THADA: variants seen among roughly 807,000 people sequenced by gnomAD.
THADA encodes the protein tRNA (32-2'-O)-methyltransferase regulator THADA.
THADA carries 213 observed loss-of-function variants against 219.8 expected under a neutral mutation model. The observed-to-expected ratio is 0.97, with a 90% CI of 0.87 to 1.09. The LOEUF is 1.09. Ranked by LOEUF, THADA falls within the 50% of genes least tolerant of loss-of-function variation. THADA has a pLI of 0.00. For missense variants in THADA, 2,956 were observed against 2,311.3 expected, an observed-to-expected ratio of 1.28 and a Z score of -5.72; for synonymous variants, 1,018 against 828.9, an observed-to-expected ratio of 1.23 and a Z score of -3.92.
chr2:43,508,601 T>C (rs1169216115), intron 23 of THADA, 47 bp downstream of exon 23: 32 of 1,591,512 alleles, frequency 2.0e-5, no homozygotes, highest in Non-Finnish European at 2.6e-5. Flanking sequence ...TACACTATCA[T>C]CAAAAGACAA....
At chr2:43,452,063 C>T (rs2104898379) in intron 26 of THADA, among the ~76,000 whole-genome samples, 1 of 152,248 alleles carries the variant, frequency 6.6e-6, no homozygotes, top group South Asian at 2.1e-4. Context: ...GCTGAGATAG[C>T]ACCACTGCAC....
chr2:43,290,419 G>T (rs182068914), intron 34 of THADA, among the ~76,000 whole-genome samples: 1 of 152,030 alleles, frequency 6.6e-6, no homozygotes, highest in Non-Finnish European at 1.5e-5. Context: ...TTGAGTGACA[G>T]ATCTAAGGAA....
chr2:43,457,717 T>TAGA (rs1199080722), intron 26 of THADA, among the ~76,000 whole-genome samples: 8 of 152,142 alleles, frequency 5.3e-5, no homozygotes, highest in African/African-American at 1.9e-4. Context: ...CGCCCACAAA[T>TAGA]ATTTTCTAAC....
At chr2:43,279,081 C>G (rs1255605855) in intron 36 of THADA, among the ~76,000 whole-genome samples, 1 of 152,214 alleles carries the variant, frequency 6.6e-6, no homozygotes, top group African/African-American at 2.4e-5. Flanking sequence ...CTGCCCCCAT[C>G]TCTTTCATCC....
intron 20 of THADA, among the ~76,000 whole-genome samples, chr2:43,547,557 G>C (rs1288609467): frequency 6.6e-6 from 1 of 152,174 alleles, no homozygotes; most frequent in African/African-American, 2.4e-5. Context: ...TGGAGGCTTT[G>C]TTCATTTCTT....
chr2:43,320,370 C>A, intron 31 of THADA, 76 bp downstream of exon 31: 1 of 1,059,536 alleles, frequency 9.4e-7, no homozygotes, highest in Non-Finnish European at 1.4e-6. Context: ...CAGTGTGTGG[C>A]AGAGCCACTC....
chr2:43,553,979 T>C (rs1387261954), intron 17 of THADA, among the ~76,000 whole-genome samples: 1 of 152,204 alleles, frequency 6.6e-6, no homozygotes, highest in Non-Finnish European at 1.5e-5. Flanking sequence ...GTCCTTTTAT[T>C]AGTGAGTTGT....
At position 43,293,113 on chromosome 2, in the gene THADA, G is replaced by A; in HGVS notation, c.4539C>T (p.Pro1513=). Residue 1513 remains proline (P), a synonymous_variant, in exon 32 of 38, where the codon CCC becomes CCT. Transcript: ENST00000405975. ...FPWAFKVPGL[P]QYLQSLTRLA... ...GTCTGGTGAGGCTCTGGAGGTACTG[G>A]GGCAGGCCTGGCACCTTGAAGGCCC... 1 of 1,613,992 alleles carries A rather than the reference G, an allele frequency of 6.2e-7. No homozygotes were observed. The highest frequency in any genetic ancestry group is 8.5e-7 in the Non-Finnish European group (1 of 1,179,906).
intron 4 of THADA, among the ~76,000 whole-genome samples, chr2:43,589,410 TA>T (rs1332209020): frequency 2.0e-5 from 3 of 152,220 alleles, no homozygotes; most frequent in African/African-American, 7.2e-5. Flanking sequence ...ATGAGGTATC[TA>T]AAGTAATCAA....
Position 43,571,856 on chromosome 2 carries a change from T to A in THADA, c.1915A>T (p.Ile639Leu). The change falls in exon 13 of 38, where the codon ATA (isoleucine) becomes TTA (leucine). Residue 639 changes from isoleucine (I) to leucine (L), a missense_variant. Ile to Leu is a conservative substitution (Grantham distance 5). Coordinates refer to ENST00000405975, the MANE Select transcript of THADA (RefSeq NM_022065.5). ...TCACAAAGCAAGCCTAATGTATCTA[T>A]CCTTACCTAAAAAACATCAAGCAAT... ...GLIHQHCQVR[I>L]DTLGLLCESN... The A allele has an allele frequency of 6.2e-7, 1 of 1,612,014 alleles. No homozygotes were observed. The highest frequency in any genetic ancestry group is 1.1e-5 in the South Asian group (1 of 90,866).
At chr2:43,236,846 G>A (rs950225816) in intron 36 of THADA, among the ~76,000 whole-genome samples, 4 of 151,034 alleles carry the variant, frequency 2.6e-5, no homozygotes, top group African/African-American at 9.8e-5. Flanking sequence ...TGGATCATGA[G>A]GTCAGGATAT....
At chr2:43,523,195 T>C (rs536121951) in intron 22 of THADA, among the ~76,000 whole-genome samples, 7 of 152,036 alleles carry the variant, frequency 4.6e-5, no homozygotes, top group African/African-American at 7.2e-5. Flanking sequence ...CGAAACCCCA[T>C]CTCTACAAAA....
At chr2:43,501,179 G>A (rs779179497) in intron 24 of THADA, among the ~76,000 whole-genome samples, 14 of 151,208 alleles carry the variant, frequency 9.3e-5, no homozygotes, top group Non-Finnish European at 2.1e-4. Flanking sequence ...GGTGGTGCAC[G>A]CCTGTAATCC....
chr2:43,438,908 T>TAA (rs908181191), intron 26 of THADA, among the ~76,000 whole-genome samples: 30 of 152,228 alleles, frequency 2.0e-4, no homozygotes, highest in Non-Finnish European at 3.5e-4. Flanking sequence ...AAAAGTTAAA[T>TAA]GAATGTGGTC....
intron 29 of THADA, among the ~76,000 whole-genome samples, chr2:43,381,736 G>T (rs535549443): frequency 6.6e-6 from 1 of 151,894 alleles, no homozygotes; most frequent in African/African-American, 2.4e-5. Context: ...GTGCCACCAC[G>T]CCCAGCTAAT....
chr2:43,525,409 G>A (rs6751161), intron 22 of THADA, among the ~76,000 whole-genome samples: 16,134 of 152,232 alleles, frequency 0.11, 950 homozygotes, highest in African/African-American at 0.15. Context: ...TCAAAGGAAT[G>A]TGACTAAAGC....
At chr2:43,271,488 TAC>T (rs1672118529) in intron 36 of THADA, among the ~76,000 whole-genome samples, 1 of 152,150 alleles carries the variant, frequency 6.6e-6, no homozygotes, top group Non-Finnish European at 1.5e-5. Context: ...CTTTGATAGA[TAC>T]ATTCCTCAAT....
intron 36 of THADA, among the ~76,000 whole-genome samples, chr2:43,234,511 G>C (rs1004890708): frequency 6.6e-6 from 1 of 152,168 alleles, no homozygotes; most frequent in Non-Finnish European, 1.5e-5. Context: ...TTTTGGCTGT[G>C]GGTCTGAGCC....
At position 43,230,898 on chromosome 2, in the gene THADA, A is replaced by T; in HGVS notation, c.*50T>A. Reference sequence around the variant, plus strand: ...TGTTCAACATGTTTCCTGCAGATTTAGTGGAGGAAAAATCCACACATACCC... The same window carrying T: ...TGTTCAACATGTTTCCTGCAGATTTTGTGGAGGAAAAATCCACACATACCC... On this transcript the variant is annotated 3_prime_UTR_variant, in exon 38 of 38. Transcript: ENST00000405975. The T allele has an allele frequency of 6.5e-7, 1 of 1,528,768 alleles. No homozygotes were observed. The highest frequency in any genetic ancestry group is 8.8e-7 in the Non-Finnish European group (1 of 1,137,496). The allele number at this position is 1,528,768 out of a possible 1,614,324, so 94.7% of individuals were successfully genotyped here. A position where few individuals can be genotyped will look rare whatever the true frequency, so the allele number is the denominator to read the frequency against.
Sources: allele counts gnomAD v4.1 joint callset (sites outside exome capture counted in the v4.1 genomes callset), GRCh38; gene constraint gnomAD v4.1.1; transcripts MANE v1.5; gene names NCBI Gene and HGNC (gene_info 2026-07-23, HGNC 2026-07-21).